The following MYPN variants were observed in gnomAD, a reference collection of about 807,000 sequenced individuals.
The protein encoded by MYPN is myopalladin.
MYPN carries 63 observed loss-of-function variants against 129.4 expected under a neutral mutation model. The ratio of observed to expected loss-of-function variants is 0.49; its 90% CI spans 0.40 to 0.60. MYPN has a LOEUF of 0.60. MYPN is among the 20% of genes least tolerant of loss of function. The pLI is 0.00. For missense variants in MYPN, 1,596 were observed against 1,635.4 expected, an observed-to-expected ratio of 0.98 and a Z score of 0.42; for synonymous variants, 629 against 600.9, an observed-to-expected ratio of 1.05 and a Z score of -0.68.
chr10:68,167,309 C>T (rs1042357674), intron 10 of MYPN, among the ~76,000 whole-genome samples: 1 of 152,100 alleles, frequency 6.6e-6, no homozygotes, highest in Non-Finnish European at 1.5e-5. Context: ...TAATTTCATC[C>T]TTATATTTCC....
chr10:68,093,074 A>G (rs1472169451), intron 1 of MYPN, among the ~76,000 whole-genome samples: 1 of 152,112 alleles, frequency 6.6e-6, no homozygotes, highest in African/African-American at 2.4e-5. Context: ...AAGTCTCACT[A>G]TATTGCCCAG....
At chr10:68,151,771 G>C (rs910670736) in intron 6 of MYPN, among the ~76,000 whole-genome samples, 1 of 152,134 alleles carries the variant, frequency 6.6e-6, no homozygotes, top group East Asian at 1.9e-4. Context: ...GACATCAGAG[G>C]GATATCAGGT....
chr10:68,161,534 T>G (rs556908921), intron 7 of MYPN, among the ~76,000 whole-genome samples, 195 bp from the exon 8 acceptor site: 7 of 151,878 alleles, frequency 4.6e-5, no homozygotes, highest in Non-Finnish European at 8.8e-5. Flanking sequence ...AAAAAAAAGT[T>G]TTTGCTCTTT....
rs1211760897 is a variant in MYPN, at chr10:68,158,493, A to C, written c.1325A>C (p.Gln442Pro). Residue 442 changes from glutamine (Q) to proline (P), a missense_variant, in exon 7 of 20, where the codon CAA becomes CCA. Physicochemically the swap from Gln to Pro is moderately conservative, Grantham distance 76. Coordinates refer to ENST00000358913, the MANE Select transcript of MYPN (RefSeq NM_032578.4). ...IAAPVFTKML[Q>P]NLSASEGQLV... is the part of the protein sequence containing the mutation. Reference sequence around the variant, plus strand: ...TTCTTCTTATCATTATAGATGCTACAAAATTTGTCAGCTTCTGAGGGTCAG... The same window carrying C: ...TTCTTCTTATCATTATAGATGCTACCAAATTTGTCAGCTTCTGAGGGTCAG... The C allele has an allele frequency of 2.5e-6, 4 of 1,613,888 alleles. No individual in the cohort carries two copies. Among genetic ancestry groups the C allele is most frequent in the South Asian group, 1.1e-5 (1 of 91,062 alleles).
chr10:68,167,711 ATTCT>A (rs2043076305), intron 10 of MYPN, among the ~76,000 whole-genome samples: 2 of 152,254 alleles, frequency 1.3e-5, no homozygotes. Context: ...TTAGTTTCAT[ATTCT>A]GCTCACCACT....
intron 10 of MYPN, among the ~76,000 whole-genome samples, chr10:68,168,108 G>A (rs1182056183): frequency 6.6e-6 from 1 of 152,138 alleles, no homozygotes; most frequent in Non-Finnish European, 1.5e-5. Context: ...GCTCATAAGT[G>A]GCCCATCATG....
chr10:68,132,704 G>T (rs1484207137), intron 2 of MYPN, among the ~76,000 whole-genome samples: 1 of 152,152 alleles, frequency 6.6e-6, no homozygotes, highest in East Asian at 1.9e-4. Flanking sequence ...CAAATGGTAG[G>T]GGGGATATAG....
chr10:68,128,620 A>G lies in MYPN; in HGVS notation c.902+6280A>G, dbSNP rs141176628. 4.0e-4 allele frequency among the ~76,000 whole-genome samples: 61 copies of G among 152,328 alleles called. No individual in the cohort carries two copies. The East Asian group carries it at 0.011, about 28-fold the overall frequency. Reference sequence around the variant, plus strand: ...TCCCTGCCTTCATGCAGCATAGAGTATAGTAAGGAACACAGATAATAAACA... The same window carrying G: ...TCCCTGCCTTCATGCAGCATAGAGTGTAGTAAGGAACACAGATAATAAACA... On this transcript the variant is annotated intron_variant, in intron 2 of 19. Transcript: ENST00000358913.
At chr10:68,192,762 G>A (rs1328926354) in intron 13 of MYPN, among the ~76,000 whole-genome samples, 2 of 152,036 alleles carry the variant, frequency 1.3e-5, no homozygotes, top group Admixed American at 1.3e-4. Context: ...ATGTGTCCAG[G>A]AATTTGCCAA....
chr10:68,143,993 G>A (rs1265676292), intron 3 of MYPN, among the ~76,000 whole-genome samples: 1 of 151,888 alleles, frequency 6.6e-6, no homozygotes, highest in South Asian at 2.1e-4. Context: ...CACCTCAAGT[G>A]ATCTGCCCAC....
At chr10:68,135,482 G>A in intron 2 of MYPN, 2 of 984,838 alleles carry the variant, frequency 2.0e-6, no homozygotes, top group Non-Finnish European at 2.4e-6. Context: ...ATGAAGAAGA[G>A]TTACTCTGAT....
chr10:68,211,832 G>T lies in MYPN; in HGVS notation c.*1377G>T. 2.2e-6 allele frequency: 1 copy of T among 453,914 alleles called. No individual in the cohort carries two copies. The highest frequency in any genetic ancestry group is 4.4e-6 in the Non-Finnish European group (1 of 226,734). The allele number at this position is 453,914 out of a possible 1,614,324, so 28.1% of individuals were successfully genotyped here. A position where few individuals can be genotyped will look rare whatever the true frequency, so the allele number is the denominator to read the frequency against. The stretch of plus-strand genomic sequence containing the variant: ...GCACAGTTTGCTCTAGGCTGTGCAG[G>T]GAAATGAATTGCAGGTGTCTGTTTT... On this transcript the variant is annotated 3_prime_UTR_variant, in exon 20 of 20. Transcript: ENST00000358913.
rs1227712777 is a variant in MYPN at position 68,166,413 on chromosome 10, C to G, written c.1720C>G (p.Pro574Ala). 1.9e-6 allele frequency: 3 copies of G among 1,614,132 alleles called. No homozygotes were observed. Among genetic ancestry groups the G allele is most frequent in the Non-Finnish European group, 2.5e-6 (3 of 1,180,044 alleles). ...AGAGCCTCCATCTGTGGAACAACCC[C>G]CCAAACCCAAACTCGAGGGGGTTCT... ...HSEPPSVEQP[P>A]KPKLEGVLVN... The change falls in exon 10 of 20, where the codon CCC becomes GCC. Residue 574 changes from proline (P) to alanine (A), a missense_variant. Transcript: ENST00000358913.
In MYPN at chr10:68,197,618, C is replaced by T. The variant is rs7095492; in HGVS notation, c.3285+140C>T. On this transcript the variant is annotated intron_variant, in intron 16 of 19. Transcript: ENST00000358913. ...GGAAGGGAGACAGATCACTTTTTTT[C>T]ATCATAAGGCTTGTTTGGAGTATTT... The T allele has an allele frequency of 0.65, 663,214 of 1,016,610 alleles. 221,782 individuals are homozygous for T. The highest frequency in any genetic ancestry group is 0.69 in the Non-Finnish European group (484,099 of 698,024). The allele number at this position is 1,016,610 out of a possible 1,614,324, so 63.0% of individuals were successfully genotyped here. A position where few individuals can be genotyped will look rare whatever the true frequency, so the allele number is the denominator to read the frequency against.
upstream of MYPN, among the ~76,000 whole-genome samples, chr10:68,107,341 C>CTTTTTTTTTTTT: frequency 8.8e-6 from 1 of 113,456 alleles, no homozygotes; most frequent in Non-Finnish European, 1.8e-5. Context: ...CTTCTCTTTT[C>CTTTTTTTTTTTT]TTTTTTTTTT....
intron 10 of MYPN, among the ~76,000 whole-genome samples, chr10:68,168,991 T>TAAAAAAA (rs71009012): frequency 3.7e-5 from 3 of 80,330 alleles, no homozygotes; most frequent in African/African-American, 1.9e-4. Flanking sequence ...GATTATTTCT[T>TAAAAAAA]AAAAAAAAAA....
intron 1 of MYPN, among the ~76,000 whole-genome samples, chr10:68,113,222 T>C (rs2042105291): frequency 6.6e-6 from 1 of 152,252 alleles, no homozygotes; most frequent in Admixed American, 6.5e-5. Context: ...TGCTCATCCC[T>C]GTTTTAGATG....
At chr10:68,118,877 T>TGAAA (rs1554838825) in intron 1 of MYPN, among the ~76,000 whole-genome samples, 1 of 122,454 alleles carries the variant, frequency 8.2e-6, no homozygotes, top group African/African-American at 3.3e-5. Context: ...AAAAGAGTGA[T>TGAAA]GAAGGAAGGA....
chr10:68,106,288 G>T, upstream of MYPN: 31 of 334,232 alleles, frequency 9.3e-5, no homozygotes, highest in Middle Eastern at 1.0e-3. Context: ...TGAACTTTTA[G>T]TTTTTTTTTT....
Sources: gnomAD v4.1 joint callset for allele counts (sites outside exome capture counted in the v4.1 genomes callset) on GRCh38, gnomAD v4.1.1 for gene constraint, MANE v1.5 for transcripts, NCBI Gene and HGNC (gene_info 2026-07-23, HGNC 2026-07-21) for gene names.